NRBF2: variants seen among roughly 807,000 people sequenced by gnomAD.
NRBF2 encodes the protein nuclear receptor-binding factor 2.
A neutral mutation model predicts 28.5 loss-of-function variants in NRBF2; 12 were observed. The ratio of observed to expected loss-of-function variants is 0.42; its 90% CI spans 0.27 to 0.68. The LOEUF is 0.68. Ranked by LOEUF, NRBF2 falls within the 30% of genes least tolerant of loss-of-function variation. NRBF2 has a pLI of 0.24. For missense variants in NRBF2, 274 were observed against 333.5 expected (o/e 0.82, Z 1.39); for synonymous variants, 102 against 116.5 (o/e 0.88, Z 0.80).
chr10:63,147,949 T>C (rs1397631107), intron 2 of NRBF2, among the ~76,000 whole-genome samples: 2 of 152,174 alleles, frequency 1.3e-5, no homozygotes, highest in African/African-American at 4.8e-5. Flanking sequence ...TATTTTGTTA[T>C]GAATCAGATT....
rs371861187 is a variant in NRBF2, at chr10:63,146,249, C to G, written c.71C>G (p.Ala24Gly). Residue 24 changes from alanine to glycine, a missense_variant, in exon 2 of 4, where the codon GCA (alanine) becomes GGA (glycine). By Grantham distance (60) the Ala-to-Gly change is moderately conservative. Transcript: ENST00000277746. Reference sequence around the variant, plus strand: ...AGACGAGCAGACCGTTTATTAGCTGCAGGCAAATACGAAGAGGCTATTTCT... The same window carrying G: ...AGACGAGCAGACCGTTTATTAGCTGGAGGCAAATACGAAGAGGCTATTTCT... ...QSRRADRLLA[A>G]GKYEEAISCH... 6.2e-7 allele frequency: 1 copy of G among 1,612,318 alleles called. No homozygotes were observed. Among genetic ancestry groups the G allele is most frequent in the African/African-American group, 1.3e-5 (1 of 74,874 alleles).
At chr10:63,150,366 G>T (rs1363515765) in intron 2 of NRBF2, 1 of 983,034 alleles carries the variant, frequency 1.0e-6, no homozygotes, top group African/African-American at 1.7e-5. Context: ...GGTAAGCATA[G>T]CTGGAGCAAA....
At chr10:63,145,101 CTTTT>C (rs34823556) in intron 1 of NRBF2, among the ~76,000 whole-genome samples, 4 of 85,910 alleles carry the variant, frequency 4.7e-5, no homozygotes, top group Non-Finnish European at 6.2e-5. Context: ...TATATTAAAG[CTTTT>C]TTTTTTTTTT....
At chr10:63,147,638 G>T (rs1841583951) in intron 2 of NRBF2, among the ~76,000 whole-genome samples, 1 of 149,264 alleles carries the variant, frequency 6.7e-6, no homozygotes, top group African/African-American at 2.5e-5. Context: ...TTAAGTTCTG[G>T]GGTACATGTG....
chr10:63,140,340 T>A (rs1467089549), intron 1 of NRBF2, among the ~76,000 whole-genome samples: 1 of 152,166 alleles, frequency 6.6e-6, no homozygotes, highest in Non-Finnish European at 1.5e-5. Flanking sequence ...ATCATATGGA[T>A]TGCCTAGGAA....
intron 1 of NRBF2, among the ~76,000 whole-genome samples, chr10:63,145,267 T>G (rs7096538): frequency 0.99 from 149,901 of 152,176 alleles, 73,864 homozygotes; most frequent in Middle Eastern, 1. Context: ...GCAGAGACGG[T>G]GTTTCACCCT....
At chr10:63,151,768 G>C (rs1841653388) in intron 2 of NRBF2, among the ~76,000 whole-genome samples, 2 of 152,128 alleles carry the variant, frequency 1.3e-5, no homozygotes, top group South Asian at 2.1e-4. Flanking sequence ...TAGATTCCAG[G>C]TATTCAGACG....
chr10:63,152,778 C>T (rs1841669168), intron 3 of NRBF2, among the ~76,000 whole-genome samples: 1 of 152,204 alleles, frequency 6.6e-6, no homozygotes. Context: ...AGGGGGATCA[C>T]TTGAGCCCAG....
At position 63,153,495 on chromosome 10, in the gene NRBF2, T is replaced by C; in HGVS notation, c.157-16T>C. On this transcript the variant is annotated splice_polypyrimidine_tract_variant and intron_variant, in intron 3 of 3. Coordinates refer to ENST00000277746, the MANE Select transcript of NRBF2 (RefSeq NM_030759.5). ...TAAAATATTCTTCCAATTTTATCTT[T>C]CCTTCTATGTAATAGGCTCATCTTT... 6.4e-7 allele frequency: 1 copy of C among 1,556,018 alleles called. No individual in the cohort carries two copies. Among genetic ancestry groups the C allele is most frequent in the Non-Finnish European group, 8.7e-7 (1 of 1,146,494 alleles).
chr10:63,143,324 G>A (rs1421984624), intron 1 of NRBF2, among the ~76,000 whole-genome samples: 3 of 152,184 alleles, frequency 2.0e-5, no homozygotes, highest in African/African-American at 7.2e-5. Context: ...TACTGAGTAT[G>A]ATTTGTAAAC....
At chr10:63,145,044 G>A (rs1841537404) in intron 1 of NRBF2, among the ~76,000 whole-genome samples, 1 of 148,870 alleles carries the variant, frequency 6.7e-6, no homozygotes, top group Non-Finnish European at 1.5e-5. Context: ...TTATGTAAGA[G>A]AGGAAAACAC....
At chr10:63,148,148 T>C (rs565654809) in intron 2 of NRBF2, among the ~76,000 whole-genome samples, 1 of 152,292 alleles carries the variant, frequency 6.6e-6, no homozygotes, top group African/African-American at 2.4e-5. Flanking sequence ...ATGTTATGAA[T>C]ATATAAAGAG....
rs769538087 is a variant in NRBF2 at position 63,152,207 on chromosome 10, A to G, written c.156+17A>G. On this transcript the variant is annotated intron_variant, in intron 3 of 3. Coordinates refer to ENST00000277746, the MANE Select transcript of NRBF2 (RefSeq NM_030759.5). The stretch of plus-strand genomic sequence containing the variant: ...TCAGAGCAGGTGAGACATATTCCCA[A>G]TATTTGCGACAAGGGTTAGAAAGGT... 6.2e-6 allele frequency: 10 copies of G among 1,608,992 alleles called. No homozygotes were observed. The highest frequency in any genetic ancestry group is 4.5e-5 in the East Asian group (2 of 44,830).
chr10:63,134,624 A>G (rs957031610), intron 1 of NRBF2, among the ~76,000 whole-genome samples: 1 of 152,194 alleles, frequency 6.6e-6, no homozygotes, highest in Non-Finnish European at 1.5e-5. Context: ...GGATTAAAGG[A>G]GTAAATAGGT....
intron 2 of NRBF2, among the ~76,000 whole-genome samples, chr10:63,149,265 C>T (rs377741348): frequency 2.0e-5 from 3 of 152,120 alleles, no homozygotes; most frequent in Non-Finnish European, 2.9e-5. Flanking sequence ...TACAGGCATG[C>T]GCCATCACAC....
At chr10:63,138,417 A>G (rs1186864178) in intron 1 of NRBF2, among the ~76,000 whole-genome samples, 1 of 151,846 alleles carries the variant, frequency 6.6e-6, no homozygotes, top group Non-Finnish European at 1.5e-5. Context: ...CTGGGAGGTG[A>G]AGATAGTGGT....
chr10:63,134,740 T>C (rs115860539), intron 1 of NRBF2, among the ~76,000 whole-genome samples: 23 of 152,358 alleles, frequency 1.5e-4, no homozygotes, highest in African/African-American at 5.3e-4. Context: ...AATAAAGGTT[T>C]GGACTTGAGC....
intron 2 of NRBF2, among the ~76,000 whole-genome samples, chr10:63,150,907 G>A (rs1030881765): frequency 1.3e-5 from 2 of 152,166 alleles, no homozygotes; most frequent in African/African-American, 4.8e-5. Context: ...GCTATGAGAA[G>A]CTAATGCCGC....
intron 1 of NRBF2, among the ~76,000 whole-genome samples, chr10:63,133,994 CCCTCCACTTCCCCCTCCTCA>C (rs1422060191): frequency 7.1e-6 from 1 of 139,904 alleles, no homozygotes; most frequent in Non-Finnish European, 1.6e-5. Context: ...CCCCTCCTCA[CCCTCCACTTCCCCCTCCTCA>C]CCCTCCACTT....
Sources: gnomAD v4.1 joint callset for allele counts (sites outside exome capture counted in the v4.1 genomes callset) on GRCh38, gnomAD v4.1.1 for gene constraint, MANE v1.5 for transcripts, NCBI Gene and HGNC (gene_info 2026-07-23, HGNC 2026-07-21) for gene names.